CA10: variants seen among roughly 807,000 people sequenced by gnomAD.
The protein encoded by CA10 is carbonic anhydrase 10 (inactive).
CA10 carries 14 observed loss-of-function variants against 44.2 expected under a neutral mutation model. That is an observed-to-expected ratio of 0.32 (90% CI 0.21 to 0.50). The LOEUF (loss-of-function observed/expected upper bound fraction) is 0.50. Ranked by LOEUF, CA10 falls within the 20% of genes least tolerant of loss-of-function variation. CA10 has a pLI of 0.99. For missense variants in CA10, 350 were observed against 409.7 expected (o/e 0.85, Z 1.26); for synonymous variants, 159 against 141.6 (o/e 1.12, Z -0.87).
At chr17:51,900,238 C>T (rs1009634807) in intron 3 of CA10, among the ~76,000 whole-genome samples, 3 of 152,162 alleles carry the variant, frequency 2.0e-5, no homozygotes, top group Non-Finnish European at 4.4e-5. Flanking sequence ...AACAAATTCC[C>T]TTAGCATTTA....
chr17:52,149,413 GCAAATGTAAT>G (rs2143407348), intron 1 of CA10, among the ~76,000 whole-genome samples: 1 of 152,240 alleles, frequency 6.6e-6, no homozygotes, highest in East Asian at 1.9e-4. Flanking sequence ...GCCCAGTAAT[GCAAATGTAAT>G]CAAACCCCAC....
chr17:52,068,336 A>G (rs920033032), intron 2 of CA10, among the ~76,000 whole-genome samples: 2 of 152,210 alleles, frequency 1.3e-5, no homozygotes, highest in Non-Finnish European at 2.9e-5. Flanking sequence ...GCCTTCTGCC[A>G]TAATTGTAAG....
intron 3 of CA10, among the ~76,000 whole-genome samples, chr17:51,872,323 C>T (rs1236462543): frequency 6.6e-6 from 1 of 152,200 alleles, no homozygotes; most frequent in African/African-American, 2.4e-5. Context: ...CCTCTCCCAG[C>T]AAAGTGTCTT....
At chr17:51,907,716 G>T (rs1981617995) in intron 3 of CA10, among the ~76,000 whole-genome samples, 2 of 152,040 alleles carry the variant, frequency 1.3e-5, no homozygotes, top group Admixed American at 1.3e-4. Context: ...CCACAATGGG[G>T]GACCATTTTG....
intron 6 of CA10, among the ~76,000 whole-genome samples, chr17:51,641,086 T>C (rs1487433341): frequency 1.3e-5 from 2 of 151,910 alleles, no homozygotes; most frequent in Non-Finnish European, 2.9e-5. Context: ...TCAAATAAAG[T>C]TTCATGAATA....
chr17:51,652,014 G>T (rs1913588987), intron 5 of CA10, among the ~76,000 whole-genome samples: 2 of 152,220 alleles, frequency 1.3e-5, no homozygotes, highest in South Asian at 2.1e-4. Flanking sequence ...GTAGCATGGG[G>T]TTGTGGGGAG....
chr17:51,659,569 T>G (rs904490319), intron 4 of CA10, among the ~76,000 whole-genome samples: 4 of 152,222 alleles, frequency 2.6e-5, no homozygotes, highest in African/African-American at 7.2e-5. Context: ...TCAGAACAGA[T>G]GTAAACCATA....
chr17:52,077,803 C>T (rs757756349), intron 1 of CA10, among the ~76,000 whole-genome samples: 26 of 152,168 alleles, frequency 1.7e-4, no homozygotes, highest in African/African-American at 3.1e-4. Context: ...TTCCCTCTCT[C>T]CACCCGATTT....
At chr17:52,149,623 C>T (rs537645573) in intron 1 of CA10, among the ~76,000 whole-genome samples, 8 of 152,192 alleles carry the variant, frequency 5.3e-5, no homozygotes, top group African/African-American at 1.9e-4. Flanking sequence ...AAAACCTTCA[C>T]TAATCAATGA....
intron 1 of CA10, among the ~76,000 whole-genome samples, chr17:52,153,872 A>C (rs1163542224): frequency 1.3e-5 from 2 of 152,228 alleles, no homozygotes; most frequent in Non-Finnish European, 2.9e-5. Flanking sequence ...TAGTTGATAG[A>C]ACAAACATGT....
intron 1 of CA10, among the ~76,000 whole-genome samples, chr17:52,085,060 T>C (rs983004352): frequency 6.6e-6 from 1 of 152,182 alleles, no homozygotes; most frequent in African/African-American, 2.4e-5. Flanking sequence ...ATGGCCTACA[T>C]TTATAAGATA....
At chr17:51,669,079 G>A (rs373206246) in intron 4 of CA10, among the ~76,000 whole-genome samples, 35 of 152,308 alleles carry the variant, frequency 2.3e-4, no homozygotes, top group East Asian at 1.2e-3. Flanking sequence ...GTGGGCTCCC[G>A]CATGGCCTTG....
chr17:51,876,778 C>T (rs1598094976), intron 3 of CA10, among the ~76,000 whole-genome samples: 1 of 152,158 alleles, frequency 6.6e-6, no homozygotes, highest in East Asian at 1.9e-4. Context: ...GTATATGTTT[C>T]ACTTTAAATG....
chr17:51,712,298 A>T (rs1915964092), intron 4 of CA10, among the ~76,000 whole-genome samples: 1 of 152,200 alleles, frequency 6.6e-6, no homozygotes, highest in South Asian at 2.1e-4. Flanking sequence ...ACATGGGTTG[A>T]GCCCTTGTGT....
chr17:51,633,415 G>A (rs1377303877), intron 8 of CA10, 61 bp downstream of exon 8: 2 of 1,492,916 alleles, frequency 1.3e-6, no homozygotes, highest in Admixed American at 1.9e-5. Context: ...TTAAGAACAG[G>A]TCTAAGCAGA....
chr17:52,159,124 T>C (rs1598247047), upstream of CA10: 1 of 152,328 alleles, frequency 6.6e-6, no homozygotes, highest in East Asian at 1.9e-4. Flanking sequence ...CAGGCAGGAC[T>C]CATCCTGGGA....
chr17:52,004,151 A>C (rs1334469121), intron 2 of CA10, among the ~76,000 whole-genome samples: 3 of 151,962 alleles, frequency 2.0e-5, no homozygotes, highest in Non-Finnish European at 4.4e-5. Flanking sequence ...GATCATAAAA[A>C]TTCATTGAAT....
chr17:51,811,756 G>A (rs933538674), intron 3 of CA10, among the ~76,000 whole-genome samples: 1 of 152,152 alleles, frequency 6.6e-6, no homozygotes, highest in Non-Finnish European at 1.5e-5. Context: ...ATGTGTGCAT[G>A]TGTCTTTATA....
At chr17:51,959,565 C>T (rs561383511) in intron 2 of CA10, among the ~76,000 whole-genome samples, 3 of 151,812 alleles carry the variant, frequency 2.0e-5, no homozygotes, top group South Asian at 2.1e-4. Context: ...CACTAATTGG[C>T]GCATGCATTG....
Sources: allele counts gnomAD v4.1 joint callset (sites outside exome capture counted in the v4.1 genomes callset), GRCh38; gene constraint gnomAD v4.1.1; transcripts MANE v1.5; gene names NCBI Gene and HGNC (gene_info 2026-07-23, HGNC 2026-07-21).